Variants in SORCS2 observed in about 807,000 individuals in gnomAD.
SORCS2 encodes the protein sortilin related VPS10 domain containing receptor 2, also known as VPS10 domain-containing receptor SorCS2.
Under a neutral mutation model 141.6 loss-of-function variants are expected in SORCS2, and 100 were observed. The ratio of observed to expected loss-of-function variants is 0.71; its 90% confidence interval spans 0.60 to 0.83. The LOEUF is 0.83. SORCS2 is among the 40% of genes least tolerant of loss of function. The pLI, the probability that SORCS2 is intolerant of heterozygous loss-of-function variation, is 0.00. For synonymous variants in SORCS2, 789 were observed against 676.9 expected, an observed-to-expected ratio of 1.17 and a Z score of -2.57; for missense variants, 1,646 against 1,560.2, an observed-to-expected ratio of 1.05 and a Z score of -0.93.
intron 2 of SORCS2, among the ~76,000 whole-genome samples, chr4:7,412,888 A>G (rs1379171661): frequency 2.6e-5 from 4 of 151,904 alleles, no homozygotes. Flanking sequence ...TGTCCCCACC[A>G]TGGCAGGCAC....
At chr4:7,728,234 A>C in intron 21 of SORCS2, 116 bp from the exon 22 acceptor site, 1 of 662,270 alleles carries the variant, frequency 1.5e-6, no homozygotes, top group Non-Finnish European at 2.6e-6. Context: ...CTGGGATCTG[A>C]ATCAAAGGCC....
chr4:7,487,309 T>G (rs1437239806), intron 2 of SORCS2, among the ~76,000 whole-genome samples: 1 of 152,192 alleles, frequency 6.6e-6, no homozygotes, highest in Non-Finnish European at 1.5e-5. Flanking sequence ...TGGCCCACAG[T>G]CACCAGAGGA....
intron 4 of SORCS2, 93 bp from the exon 5 acceptor site, chr4:7,654,041 G>C (rs1371820794): frequency 7.6e-6 from 9 of 1,182,050 alleles, no homozygotes; most frequent in Non-Finnish European, 9.8e-6. Flanking sequence ...CTTCTCCTGG[G>C]GGATCTGCTG....
chr4:7,479,228 G>T (rs531317344), intron 2 of SORCS2, among the ~76,000 whole-genome samples: 1 of 151,910 alleles, frequency 6.6e-6, no homozygotes, highest in African/African-American at 2.4e-5. Flanking sequence ...GTATGTGACC[G>T]CACACAGGAC....
intron 1 of SORCS2, among the ~76,000 whole-genome samples, chr4:7,335,236 C>T (rs1422285617): frequency 3.3e-5 from 5 of 152,308 alleles, no homozygotes; most frequent in Admixed American, 6.5e-5. Context: ...TGTTCAATTC[C>T]AACCACAGGG....
chr4:7,255,203 G>A (rs1405628355), intron 1 of SORCS2, among the ~76,000 whole-genome samples: 1 of 151,954 alleles, frequency 6.6e-6, no homozygotes, highest in African/African-American at 2.4e-5. Flanking sequence ...ACAGTCCCAT[G>A]CAGAAGAAGG....
chr4:7,477,418 TGGCTGATCG>T (rs1730372486), intron 2 of SORCS2, among the ~76,000 whole-genome samples: 1 of 9,210 alleles, frequency 1.1e-4, no homozygotes, highest in African/African-American at 1.4e-4. Flanking sequence ...GGGCTGACCG[TGGCTGATCG>T]GGGCTGACCA....
chr4:7,194,076 G>A (rs1296516421), intron 1 of SORCS2, among the ~76,000 whole-genome samples: 1 of 152,140 alleles, frequency 6.6e-6, no homozygotes, highest in African/African-American at 2.4e-5. Context: ...AGCCCCTGGT[G>A]GGGCTCTAGT....
chr4:7,395,147 A>AG (rs1482381702), intron 1 of SORCS2, among the ~76,000 whole-genome samples: 1 of 140,248 alleles, frequency 7.1e-6, no homozygotes, highest in Non-Finnish European at 1.5e-5. Flanking sequence ...TAAGATGCAC[A>AG]CTGTCCCATC....
intron 1 of SORCS2, among the ~76,000 whole-genome samples, chr4:7,228,538 C>T (rs181777151): frequency 3.9e-4 from 60 of 152,166 alleles, no homozygotes; most frequent in Non-Finnish European, 4.4e-5. Context: ...TGAAGGTGAT[C>T]GTCCTGCCTA....
At position 7,608,437 on chromosome 4, in the gene SORCS2, T is replaced by C. The variant is rs189982154; in HGVS notation, c.649-29891T>C. On this transcript the variant is annotated intron_variant, in intron 3 of 26. Transcript: ENST00000507866. ...CTCAAGCTCCACATACCAGGGGCCATCTCTGTCACTTACTTGCTGAGCCCC... is the reference window on the plus strand; with the variant it reads ...CTCAAGCTCCACATACCAGGGGCCACCTCTGTCACTTACTTGCTGAGCCCC... 1.5e-3 allele frequency among the ~76,000 whole-genome samples: 232 copies of C among 152,302 alleles called. 1 individual carries two copies. Among genetic ancestry groups the C allele is most frequent in the Non-Finnish European group, 2.1e-3 (140 of 68,018 alleles).
chr4:7,599,386 G>A (rs111287775), intron 3 of SORCS2, among the ~76,000 whole-genome samples: 4 of 152,170 alleles, frequency 2.6e-5, no homozygotes, highest in Non-Finnish European at 4.4e-5. Flanking sequence ...AAACAGCACC[G>A]TCCCCCGCCA....
intron 1 of SORCS2, among the ~76,000 whole-genome samples, chr4:7,208,636 G>A (rs1727882744): frequency 6.6e-6 from 1 of 152,144 alleles, no homozygotes; most frequent in South Asian, 2.1e-4. Context: ...GGGATGCCAG[G>A]GCTTGGCTTG....
chr4:7,672,875 G>A (rs769907032), intron 8 of SORCS2, among the ~76,000 whole-genome samples: 2 of 152,162 alleles, frequency 1.3e-5, no homozygotes, highest in Admixed American at 6.5e-5. Flanking sequence ...GCTTCTTAGA[G>A]CTCTCTAATA....
intron 3 of SORCS2, among the ~76,000 whole-genome samples, chr4:7,543,891 C>CCCATCCAT (rs1560373672): frequency 1.9e-5 from 1 of 51,466 alleles, no homozygotes; most frequent in Non-Finnish European, 3.8e-5. Context: ...CACCCACCCA[C>CCCATCCAT]CCATCCATCC....
intron 1 of SORCS2, among the ~76,000 whole-genome samples, chr4:7,310,958 C>T (rs1718144999): frequency 6.6e-6 from 1 of 152,176 alleles, no homozygotes; most frequent in Non-Finnish European, 1.5e-5. Flanking sequence ...ATAAATCACG[C>T]AGATTCAAAG....
At chr4:7,567,307 T>G (rs891262184) in intron 3 of SORCS2, among the ~76,000 whole-genome samples, 12 of 152,108 alleles carry the variant, frequency 7.9e-5, no homozygotes, top group African/African-American at 2.4e-4. Context: ...CCTTCATCGA[T>G]CTCAGGATCC....
intron 2 of SORCS2, among the ~76,000 whole-genome samples, chr4:7,522,330 G>A (rs1297175597): frequency 6.6e-6 from 1 of 152,212 alleles, no homozygotes; most frequent in African/African-American, 2.4e-5. Context: ...AAGTGAATAT[G>A]TACAAACACT....
At chr4:7,565,097 C>T (rs1001987593) in intron 3 of SORCS2, among the ~76,000 whole-genome samples, 2 of 152,214 alleles carry the variant, frequency 1.3e-5, no homozygotes, top group African/African-American at 4.8e-5. Flanking sequence ...GGAGCAAGGG[C>T]TTCCTGGCAT....
Sources: gnomAD v4.1 joint callset for allele counts (sites outside exome capture counted in the v4.1 genomes callset) on GRCh38, gnomAD v4.1.1 for gene constraint, MANE v1.5 for transcripts, NCBI Gene and HGNC (gene_info 2026-07-23, HGNC 2026-07-21) for gene names.